The following CHN2 variants were observed in gnomAD, a reference collection of about 807,000 sequenced individuals.
CHN2 encodes the protein chimerin 2.
Under a neutral mutation model 56.3 loss-of-function variants are expected in CHN2, and 35 were observed. The observed-to-expected ratio is 0.62, with a 90% CI of 0.47 to 0.82. CHN2 has a LOEUF of 0.82. Ranked by LOEUF, CHN2 falls within the 40% of genes least tolerant of loss-of-function variation. The pLI is 0.00. For synonymous variants in CHN2, 210 were observed against 212.8 expected (o/e 0.99, Z 0.12); for missense variants, 491 against 580.5 (o/e 0.85, Z 1.58).
intron 6 of CHN2, among the ~76,000 whole-genome samples, chr7:29,447,216 A>C (rs1784094878): frequency 6.6e-6 from 1 of 152,178 alleles, no homozygotes; most frequent in Non-Finnish European, 1.5e-5. Flanking sequence ...GGGCGTTATA[A>C]CTGTATTGCT....
chr7:29,506,981 G>A (rs1790639402), intron 10 of CHN2, among the ~76,000 whole-genome samples: 2 of 152,106 alleles, frequency 1.3e-5, no homozygotes, highest in Non-Finnish European at 2.9e-5. Flanking sequence ...ACCAGGGGCT[G>A]GGACCCAAAT....
rs914910077 is a variant in CHN2 at position 29,507,323 on chromosome 7, G to C, written c.1087G>C (p.Val363Leu). 1.9e-6 allele frequency: 3 copies of C among 1,612,838 alleles called. No homozygotes were observed. The highest frequency in any genetic ancestry group is 2.5e-6 in the Non-Finnish European group (3 of 1,179,062). The change falls in exon 11 of 13, where the codon GTC becomes CTC. Residue 363 changes from valine (V) to leucine (L), a missense_variant. Coordinates refer to ENST00000222792, the MANE Select transcript of CHN2 (RefSeq NM_004067.4). The part of the protein sequence containing the change: ...KLYFRDLPIP[V>L]ITYDTYSKFI... ...GTATTTCAGAGACTTACCCATCCCT[G>C]TCATCACATATGATACCTATTCCAA... is the stretch of plus-strand genomic sequence containing the variant.
intron 1 of CHN2, among the ~76,000 whole-genome samples, chr7:29,328,602 G>A (rs1279000443): frequency 6.6e-6 from 1 of 151,196 alleles, no homozygotes; most frequent in African/African-American, 2.4e-5. Context: ...TAATTACTAG[G>A]CAGGAAAAAA....
chr7:29,188,112 C>T (rs1798945848), intron 2 of CHN2, among the ~76,000 whole-genome samples: 1 of 152,190 alleles, frequency 6.6e-6, no homozygotes, highest in Non-Finnish European at 1.5e-5. Context: ...TTAATTCTCA[C>T]AGATTACTCC....
At chr7:29,389,851 C>CTGCCTG (rs1419819743) in intron 3 of CHN2, among the ~76,000 whole-genome samples, 17 of 151,386 alleles carry the variant, frequency 1.1e-4, no homozygotes, top group Non-Finnish European at 2.4e-4. Context: ...CTCAGGAGTT[C>CTGCCTG]GAGACCAGCC....
chr7:29,215,322 G>A (rs1785251044), intron 1 of CHN2, among the ~76,000 whole-genome samples: 1 of 152,150 alleles, frequency 6.6e-6, no homozygotes, highest in African/African-American at 2.4e-5. Flanking sequence ...GCCGTCCTCT[G>A]CATTCACTGT....
chr7:29,292,928 A>C (rs754017046), intron 1 of CHN2: 7 of 456,146 alleles, frequency 1.5e-5, no homozygotes, highest in African/African-American at 4.0e-5. Context: ...TCTTCAGTCT[A>C]TTCTGAACCC....
At chr7:29,294,021 C>T (rs1464670047) in intron 1 of CHN2, among the ~76,000 whole-genome samples, 1 of 152,060 alleles carries the variant, frequency 6.6e-6, no homozygotes, top group Non-Finnish European at 1.5e-5. Flanking sequence ...CGCCCGCCAC[C>T]ACGCCCAGCT....
intron 6 of CHN2, among the ~76,000 whole-genome samples, chr7:29,410,206 A>G (rs1029629515): frequency 6.6e-6 from 1 of 152,194 alleles, no homozygotes; most frequent in Non-Finnish European, 1.5e-5. Flanking sequence ...TGTTTAAAAC[A>G]GGGTAGTGTC....
chr7:29,360,377 C>T (rs1280309341), intron 2 of CHN2, among the ~76,000 whole-genome samples: 1 of 152,014 alleles, frequency 6.6e-6, no homozygotes, highest in Non-Finnish European at 1.5e-5. Context: ...CAAAATTAGC[C>T]AGGCATGGTG....
intron 1 of CHN2, among the ~76,000 whole-genome samples, chr7:29,320,591 T>C (rs562642171): frequency 6.6e-6 from 1 of 152,302 alleles, no homozygotes; most frequent in East Asian, 1.9e-4. Context: ...CATTCCTCAC[T>C]CACATCTAAC....
intron 5 of CHN2, among the ~76,000 whole-genome samples, chr7:29,399,651 G>T (rs1802041199): frequency 6.6e-6 from 1 of 152,152 alleles, no homozygotes; most frequent in South Asian, 2.1e-4. Flanking sequence ...TCCATAGGGG[G>T]AATGGTGTCC....
chr7:29,372,386 G>C (rs183721320), intron 3 of CHN2, among the ~76,000 whole-genome samples: 106 of 152,142 alleles, frequency 7.0e-4, no homozygotes, highest in African/African-American at 2.5e-3. Context: ...CCCAACCCTT[G>C]GAGCGTCTCT....
intron 12 of CHN2, among the ~76,000 whole-genome samples, chr7:29,512,247 C>G (rs746846388): frequency 6.6e-6 from 1 of 151,988 alleles, no homozygotes; most frequent in Non-Finnish European, 1.5e-5. Context: ...AATCTGCTGC[C>G]CCTACAAACC....
intron 6 of CHN2, among the ~76,000 whole-genome samples, chr7:29,421,344 C>A (rs1804326088): frequency 6.6e-6 from 1 of 152,132 alleles, no homozygotes; most frequent in South Asian, 2.1e-4. Flanking sequence ...CATTTCCTGC[C>A]TTTGGGCTAC....
intron 6 of CHN2, among the ~76,000 whole-genome samples, chr7:29,427,485 G>T (rs772089626): frequency 3.3e-5 from 5 of 151,946 alleles, no homozygotes; most frequent in Non-Finnish European, 7.4e-5. Flanking sequence ...GTCATAGGGG[G>T]CATCTGAAAT....
At chr7:29,211,066 T>TG (rs1562833613) in intron 1 of CHN2, among the ~76,000 whole-genome samples, 17 of 101,150 alleles carry the variant, frequency 1.7e-4, no homozygotes, top group South Asian at 8.5e-4. Flanking sequence ...TTTGTTTTTT[T>TG]TTTTGTTGTT....
At chr7:29,439,465 A>G (rs1340442191) in intron 6 of CHN2, among the ~76,000 whole-genome samples, 1 of 152,152 alleles carries the variant, frequency 6.6e-6, no homozygotes, top group Admixed American at 6.5e-5. Flanking sequence ...CTTCTTCCCC[A>G]CAAGATCTTT....
In CHN2 at chr7:29,513,464, A is replaced by T. The variant is rs866681200; in HGVS notation, c.*729A>T. On this transcript the variant is annotated 3_prime_UTR_variant, in exon 13 of 13. Coordinates refer to ENST00000222792, the MANE Select transcript of CHN2 (RefSeq NM_004067.4). ...AAATGTCCACACACTTTCTATGCAT[A>T]CAAATTTTGTGAATTCCCAAAGTAT... 6.6e-6 allele frequency: 1 copy of T among 152,450 alleles called. No individual in the cohort carries two copies. The highest frequency in any genetic ancestry group is 2.1e-4 in the South Asian group (1 of 4,832). The allele number at this position is 152,450 out of a possible 1,614,324, so 9.4% of individuals were successfully genotyped here.
Sources: gnomAD v4.1 joint callset for allele counts (sites outside exome capture counted in the v4.1 genomes callset) on GRCh38, gnomAD v4.1.1 for gene constraint, MANE v1.5 for transcripts, NCBI Gene and HGNC (gene_info 2026-07-23, HGNC 2026-07-21) for gene names.